The following ST8SIA6 variants were observed in gnomAD, a reference collection of about 807,000 sequenced individuals.
ST8SIA6 encodes the protein ST8 alpha-N-acetyl-neuraminide alpha-2,8-sialyltransferase 6.
ST8SIA6 carries 39 observed loss-of-function variants against 33.6 expected under a neutral mutation model. The ratio of observed to expected loss-of-function variants is 1.16; its 90% CI spans 0.90 to 1.52. The LOEUF (loss-of-function observed/expected upper bound fraction) is 1.52. Ranked by LOEUF, ST8SIA6 falls within the 40% of genes most tolerant of loss-of-function variation. ST8SIA6 has a pLI of 0.00. For missense variants in ST8SIA6, 441 were observed against 443.8 expected, an observed-to-expected ratio of 0.99 and a Z score of 0.06; for synonymous variants, 172 against 167.2, an observed-to-expected ratio of 1.03 and a Z score of -0.22.
intron 3 of ST8SIA6, among the ~76,000 whole-genome samples, chr10:17,376,863 A>G (rs17140915): frequency 0.18 from 27,527 of 152,170 alleles, 2,640 homozygotes; most frequent in South Asian, 0.22. Context: ...GAAAAGTACA[A>G]ACTCAAAGTA....
intron 2 of ST8SIA6, among the ~76,000 whole-genome samples, chr10:17,412,536 T>C (rs1299022713): frequency 3.9e-5 from 6 of 152,142 alleles, no homozygotes; most frequent in African/African-American, 1.4e-4. Context: ...TGAGCTCCAC[T>C]TGGCTGCCCT....
chr10:17,322,465 A>C (rs1847991660), intron 7 of ST8SIA6, among the ~76,000 whole-genome samples: 1 of 152,170 alleles, frequency 6.6e-6, no homozygotes, highest in African/African-American at 2.4e-5. Flanking sequence ...GGCAAGTTCA[A>C]TATTTATTTT....
intron 4 of ST8SIA6, among the ~76,000 whole-genome samples, chr10:17,346,485 T>A (rs1848838294): frequency 6.6e-6 from 1 of 152,134 alleles, no homozygotes; most frequent in Non-Finnish European, 1.5e-5. Context: ...TCCCAGCTAC[T>A]CAGGAGGCTG....
chr10:17,341,919 A>AAAC (rs1588808267), intron 4 of ST8SIA6, among the ~76,000 whole-genome samples: 5 of 150,808 alleles, frequency 3.3e-5, no homozygotes, highest in African/African-American at 9.7e-5. Context: ...AAAAAAAAAA[A>AAAC]AACAAAAAGA....
rs576797354 is a variant in ST8SIA6, at chr10:17,378,935, G to A, written c.290+11596C>T. ...AGGTCAGGAGATCAAGACCATCCTG[G>A]CTAACATGGTGAAACCCCGTTACTA... On this transcript the variant is annotated intron_variant, in intron 3 of 7. Coordinates refer to ENST00000377602, the MANE Select transcript of ST8SIA6 (RefSeq NM_001004470.3). 1.4e-4 allele frequency among the ~76,000 whole-genome samples: 21 copies of A among 152,174 alleles called. No individual in the cohort carries two copies. In the East Asian group the frequency reaches 3.7e-3, roughly 27 times the overall value.
At chr10:17,366,961 T>C (rs556697827) in intron 3 of ST8SIA6, among the ~76,000 whole-genome samples, 1 of 152,318 alleles carries the variant, frequency 6.6e-6, no homozygotes, top group East Asian at 1.9e-4. Context: ...AAAGCACAGA[T>C]GGTAGATCTG....
chr10:17,420,288 T>C (rs1037931040), intron 2 of ST8SIA6, among the ~76,000 whole-genome samples: 38 of 152,228 alleles, frequency 2.5e-4, no homozygotes, highest in African/African-American at 8.7e-4. Flanking sequence ...GGCGGGCGCC[T>C]GTAGTCCCAG....
chr10:17,350,406 T>C (rs1462309025), intron 4 of ST8SIA6, among the ~76,000 whole-genome samples: 1 of 152,196 alleles, frequency 6.6e-6, no homozygotes, highest in Non-Finnish European at 1.5e-5. Flanking sequence ...AAAGGAGTAG[T>C]TTATGTTATT....
At chr10:17,357,427 G>A (rs559659894) in intron 4 of ST8SIA6, among the ~76,000 whole-genome samples, 6 of 151,618 alleles carry the variant, frequency 4.0e-5, no homozygotes, top group African/African-American at 7.3e-5. Flanking sequence ...TGAGCCATAC[G>A]CCCAGCCCCT....
At chr10:17,441,147 A>T (rs1852476104) in intron 2 of ST8SIA6, among the ~76,000 whole-genome samples, 1 of 151,934 alleles carries the variant, frequency 6.6e-6, no homozygotes, top group Non-Finnish European at 1.5e-5. Flanking sequence ...TTTATTGATT[A>T]TGCTTTTGGT....
intron 4 of ST8SIA6, among the ~76,000 whole-genome samples, chr10:17,337,054 G>C: frequency 6.6e-6 from 1 of 152,024 alleles, no homozygotes; most frequent in Non-Finnish European, 1.5e-5. Flanking sequence ...GAGGTGACTG[G>C]ATCATGGGGG....
intron 2 of ST8SIA6, among the ~76,000 whole-genome samples, 179 bp from the exon 3 acceptor site, chr10:17,390,799 G>GAAAA (rs60135551): frequency 0.033 from 4,668 of 139,404 alleles, 95 homozygotes; most frequent in South Asian, 0.058. Context: ...GGGTCTAAAT[G>GAAAA]AAAAAAAAAA....
intron 4 of ST8SIA6, among the ~76,000 whole-genome samples, chr10:17,338,111 CACA>C (rs1848565498): frequency 6.6e-6 from 1 of 151,558 alleles, no homozygotes; most frequent in Non-Finnish European, 1.5e-5. Flanking sequence ...CTCAGCTCAC[CACA>C]ACCTCCACCT....
chr10:17,396,976 T>G (rs572249610), intron 2 of ST8SIA6, among the ~76,000 whole-genome samples: 1 of 152,312 alleles, frequency 6.6e-6, no homozygotes, highest in East Asian at 1.9e-4. Flanking sequence ...GACCTCTGAC[T>G]ACTACTCAGG....
At chr10:17,400,247 A>C (rs771817529) in intron 2 of ST8SIA6, among the ~76,000 whole-genome samples, 7 of 152,150 alleles carry the variant, frequency 4.6e-5, no homozygotes, top group Non-Finnish European at 8.8e-5. Flanking sequence ...GAGGTGTGTG[A>C]TCTGGCCAGG....
rs45524137 is a variant in ST8SIA6, at chr10:17,331,602, C to T, written c.378-50G>A. On this transcript the variant is annotated intron_variant, in intron 4 of 7. Coordinates refer to ENST00000377602, the MANE Select transcript of ST8SIA6 (RefSeq NM_001004470.3). ...AAGCCAAAGTATAAGATTAAGAAACCGAAAATGCAGACCACGATGGACAAT... is the reference window on the plus strand; with the variant it reads ...AAGCCAAAGTATAAGATTAAGAAACTGAAAATGCAGACCACGATGGACAAT... The T allele has an allele frequency of 0.021, 32,217 of 1,553,476 alleles. 424 individuals are homozygous for T. The highest frequency in any genetic ancestry group is 0.024 in the Non-Finnish European group (28,160 of 1,155,632).
chr10:17,431,407 A>G (rs1031353173), intron 2 of ST8SIA6, among the ~76,000 whole-genome samples: 7 of 152,230 alleles, frequency 4.6e-5, no homozygotes, highest in African/African-American at 1.4e-4. Flanking sequence ...GAATAATGAT[A>G]TACCAATTTG....
intron 2 of ST8SIA6, among the ~76,000 whole-genome samples, chr10:17,446,896 T>G (rs1564469626): frequency 6.9e-6 from 1 of 145,728 alleles, no homozygotes; most frequent in Non-Finnish European, 1.5e-5. Flanking sequence ...AAAAAAAAAA[T>G]TAGCTGAGCG....
At chr10:17,437,251 C>T (rs1214562201) in intron 2 of ST8SIA6, among the ~76,000 whole-genome samples, 1 of 152,156 alleles carries the variant, frequency 6.6e-6, no homozygotes, top group East Asian at 1.9e-4. Context: ...CCTTGAACTC[C>T]TGGACTCAAG....
Sources: allele counts gnomAD v4.1 joint callset (sites outside exome capture counted in the v4.1 genomes callset), GRCh38; gene constraint gnomAD v4.1.1; transcripts MANE v1.5; gene names NCBI Gene and HGNC (gene_info 2026-07-23, HGNC 2026-07-21).